GSDME: variants seen among roughly 807,000 people sequenced by gnomAD.
GSDME encodes the protein gasdermin E, also known as gasdermin-E.
Under a neutral mutation model 47.5 loss-of-function variants are expected in GSDME, and 44 were observed. The ratio of observed to expected loss-of-function variants is 0.93; its 90% CI spans 0.73 to 1.19. GSDME has a LOEUF of 1.19. Ranked by LOEUF, GSDME falls within the 50% of genes most tolerant of loss-of-function variation. GSDME has a pLI of 0.00. For synonymous variants in GSDME, 258 were observed against 252.8 expected (o/e 1.02, Z -0.20); for missense variants, 663 against 604.2 (o/e 1.10, Z -1.02).
chr7:24,793,207 T>C, the GSDME span, among the ~76,000 whole-genome samples: 588 of 152,344 alleles, frequency 3.9e-3, 5 homozygotes, highest in African/African-American at 0.013. Context: ...CAATTTTTAA[T>C]GTCTGACCAT....
the GSDME span, among the ~76,000 whole-genome samples, chr7:24,789,441 G>C: frequency 1.3e-5 from 2 of 152,178 alleles, no homozygotes; most frequent in African/African-American, 4.8e-5. Context: ...GCTTACAAGG[G>C]GGTCCGCGTG....
chr7:24,717,727 A>T (rs1260561611), intron 4 of GSDME, among the ~76,000 whole-genome samples: 2 of 152,096 alleles, frequency 1.3e-5, no homozygotes, highest in Admixed American at 1.3e-4. Flanking sequence ...CCTAATGAAA[A>T]CCTTAAACAG....
In GSDME at chr7:24,754,669, A is replaced by G. The variant is rs558371785; in HGVS notation, c.-20+2727T>C. ...AGCAGGACAATGACACAAAGTTAGCAAAGCACACAGCCAACTGGAGCCACT... is the reference window on the plus strand; with the variant it reads ...AGCAGGACAATGACACAAAGTTAGCGAAGCACACAGCCAACTGGAGCCACT... On this transcript the variant is annotated intron_variant, in intron 1 of 9. Coordinates refer to ENST00000645220, the MANE Select transcript of GSDME (RefSeq NM_001127453.2). The surrounding 1 kb of genome is among the most constrained non-coding windows in gnomAD (Gnocchi z 5.0). 6.6e-6 allele frequency among the ~76,000 whole-genome samples: 1 copy of G among 152,320 alleles called. No homozygotes were observed. The highest frequency in any genetic ancestry group is 2.1e-4 in the South Asian group (1 of 4,808).
At position 24,724,347 on chromosome 7, in the gene GSDME, C is replaced by G. The variant is rs1017700101; in HGVS notation, c.405-5129G>C. On this transcript the variant is annotated intron_variant, in intron 3 of 9. Coordinates refer to ENST00000645220, the MANE Select transcript of GSDME (RefSeq NM_001127453.2). The surrounding 1 kb of genome is among the most constrained non-coding windows in gnomAD (Gnocchi z 4.8). ...GGGCAGGACTGGAATGAGACCCTCT[C>G]CCCAAGTCCAGCCAGGAGCCAATGC... Among the ~76,000 whole-genome samples the G allele has an allele frequency of 2.0e-5, 3 of 152,154 alleles. No individual in the cohort carries two copies. Among genetic ancestry groups the G allele is most frequent in the Admixed American group, 6.5e-5 (1 of 15,268 alleles).
At chr7:24,761,376 A>G (rs1791163388), upstream of GSDME, among the ~76,000 whole-genome samples, 2 of 152,238 alleles carry the variant, frequency 1.3e-5, no homozygotes, top group Admixed American at 6.5e-5. This position sits in a 1 kb window ranked among gnomAD's most constrained non-coding sequence, Gnocchi z 4.4. Flanking sequence ...GCATCAGCAG[A>G]TTCGATGTCT....
In GSDME at chr7:24,724,327, G is replaced by C. The variant is rs1241502267; in HGVS notation, c.405-5109C>G. Reference sequence around the variant, plus strand: ...ATGGTTTATCACATAAACCCGGGCAGGACTGGAATGAGACCCTCTCCCCAA... The same window carrying C: ...ATGGTTTATCACATAAACCCGGGCACGACTGGAATGAGACCCTCTCCCCAA... On this transcript the variant is annotated intron_variant, in intron 3 of 9. Transcript: ENST00000645220. The surrounding 1 kb of genome is among the most constrained non-coding windows in gnomAD (Gnocchi z 4.8). Among the ~76,000 whole-genome samples the C allele has an allele frequency of 1.3e-5, 2 of 152,118 alleles. No individual in the cohort carries two copies. Among genetic ancestry groups the C allele is most frequent in the Admixed American group, 1.3e-4 (2 of 15,272 alleles).
At chr7:24,717,418 C>T in intron 4 of GSDME, 44 bp from the exon 5 acceptor site, 2 of 1,613,758 alleles carry the variant, frequency 1.2e-6, no homozygotes, top group Non-Finnish European at 8.5e-7. Flanking sequence ...CTCGGGCTCT[C>T]CAAGCTGCTC....
chr7:24,755,472 T>A (rs1790984823), intron 1 of GSDME, among the ~76,000 whole-genome samples: 1 of 152,222 alleles, frequency 6.6e-6, no homozygotes, highest in African/African-American at 2.4e-5. Context: ...CAAAGCCCTC[T>A]TTCCCCAAAT....
chr7:24,729,238 T>C (rs1267996823), intron 3 of GSDME, among the ~76,000 whole-genome samples: 2 of 152,260 alleles, frequency 1.3e-5, no homozygotes, highest in Non-Finnish European at 2.9e-5. Context: ...ATGTGTCTGT[T>C]TCCAAGCTCT....
Position 24,756,049 on chromosome 7 carries a change from A to G in GSDME, c.-20+1347T>C, listed in dbSNP as rs1791006295. ...AGCCCAGTACCTGAGCTCATTTTTA[A>G]TGAGAAGACAAATTAATATTTCATC... is the stretch of plus-strand genomic sequence containing the variant. On this transcript the variant is annotated intron_variant, in intron 1 of 9. Coordinates refer to ENST00000645220, the MANE Select transcript of GSDME (RefSeq NM_001127453.2). The surrounding 1 kb of genome is among the most constrained non-coding windows in gnomAD (Gnocchi z 4.2). Among the ~76,000 whole-genome samples, 1 of 152,236 alleles carries G rather than the reference A, an allele frequency of 6.6e-6. No individual in the cohort carries two copies. Among genetic ancestry groups the G allele is most frequent in the Non-Finnish European group, 1.5e-5 (1 of 68,034 alleles).
At chr7:24,762,640 C>T (rs920448462), upstream of GSDME, among the ~76,000 whole-genome samples, 8 of 151,994 alleles carry the variant, frequency 5.3e-5, no homozygotes, top group Admixed American at 2.0e-4. Context: ...GCTTCATGCC[C>T]TCCAGGTCTG....
rs946331911 is a variant in GSDME at position 24,744,301 on chromosome 7, T to C, written c.404+261A>G. The C allele has an allele frequency of 1.2e-5, 6 of 512,136 alleles. No homozygotes were observed. Among genetic ancestry groups the C allele is most frequent in the Admixed American group, 9.7e-5 (3 of 30,836 alleles). The allele number at this position is 512,136 out of a possible 1,614,324, so 31.7% of individuals were successfully genotyped here. The stretch of plus-strand genomic sequence containing the variant: ...TTTACCGTTCGCATTTTATAAATCA[T>C]GTGATTGAAGGAAGTACATATTTGC... On this transcript the variant is annotated intron_variant, in intron 3 of 9. Coordinates refer to ENST00000645220, the MANE Select transcript of GSDME (RefSeq NM_001127453.2). The surrounding 1 kb of genome is among the most constrained non-coding windows in gnomAD (Gnocchi z 4.5).
Position 24,726,556 on chromosome 7 carries a change from G to A in GSDME, c.405-7338C>T, listed in dbSNP as rs1789971474. Among the ~76,000 whole-genome samples the A allele has an allele frequency of 6.6e-6, 1 of 152,212 alleles. No homozygotes were observed. The highest frequency in any genetic ancestry group is 1.5e-5 in the Non-Finnish European group (1 of 68,036). On this transcript the variant is annotated intron_variant, in intron 3 of 9. Coordinates refer to ENST00000645220, the MANE Select transcript of GSDME (RefSeq NM_001127453.2). This position sits in a 1 kb window ranked among gnomAD's most constrained non-coding sequence, Gnocchi z 5.6. ...TAACAATGGTAGGCCGGGCGCGGTG[G>A]CTCACGCCTGTTATCCCAGCACTTT...
At position 24,736,751 on chromosome 7, in the gene GSDME, CAT is replaced by C. The variant is rs1274042042; in HGVS notation, c.404+7809_404+7810del. On this transcript the variant is annotated intron_variant, in intron 3 of 9. Coordinates refer to ENST00000645220, the MANE Select transcript of GSDME (RefSeq NM_001127453.2). This position sits in a 1 kb window ranked among gnomAD's most constrained non-coding sequence, Gnocchi z 4.6. Reference sequence around the variant, plus strand: ...ACATGGATCATTCGCAAGGATAGACCATATGTTAGGCCACAAAACAAGTTTCA... The same window carrying C: ...ACATGGATCATTCGCAAGGATAGACCATGTTAGGCCACAAAACAAGTTTCA... 6.6e-6 allele frequency among the ~76,000 whole-genome samples: 1 copy of C among 152,114 alleles called. No individual in the cohort carries two copies. Among genetic ancestry groups the C allele is most frequent in the Non-Finnish European group, 1.5e-5 (1 of 68,012 alleles).
In GSDME at chr7:24,739,279, GA is replaced by G. The variant is rs1190962867; in HGVS notation, c.404+5282del. On this transcript the variant is annotated intron_variant, in intron 3 of 9. Transcript: ENST00000645220. This position sits in a 1 kb window ranked among gnomAD's most constrained non-coding sequence, Gnocchi z 5.1. ...TAAAAGGGGCTCAAACAACTGTAGG[GA>G]AAAAAATCTAATAATCCTGTTAAAA... Among the ~76,000 whole-genome samples, 1 of 152,014 alleles carries G rather than the reference GA, an allele frequency of 6.6e-6. No individual in the cohort carries two copies. The highest frequency in any genetic ancestry group is 1.5e-5 in the Non-Finnish European group (1 of 67,976).
chr7:24,721,116 A>G lies in GSDME; in HGVS notation c.405-1898T>C, dbSNP rs1454415181. On this transcript the variant is annotated intron_variant, in intron 3 of 9. Transcript: ENST00000645220. This position sits in a 1 kb window ranked among gnomAD's most constrained non-coding sequence, Gnocchi z 4.1. ...GGGCTTCGCTGCCTGATGGCTGCAGAGTTCCTAGTTGAGGTGACGAAGAAG... is the reference window on the plus strand; with the variant it reads ...GGGCTTCGCTGCCTGATGGCTGCAGGGTTCCTAGTTGAGGTGACGAAGAAG... Among the ~76,000 whole-genome samples, 1 of 151,610 alleles carries G rather than the reference A, an allele frequency of 6.6e-6. No individual in the cohort carries two copies. The highest frequency in any genetic ancestry group is 1.5e-5 in the Non-Finnish European group (1 of 68,030).
In GSDME at chr7:24,698,721, G is replaced by T. The variant is rs1444179628; in HGVS notation, c.*305C>A. The T allele has an allele frequency of 7.3e-6, 3 of 413,336 alleles. No individual in the cohort carries two copies. The Admixed American group carries it at 1.1e-4, about 15-fold the overall frequency. 25.6% of individuals were successfully genotyped at this position (413,336 alleles called of 1,614,324 possible). A position where few individuals can be genotyped will look rare whatever the true frequency, so the allele number is the denominator to read the frequency against. On this transcript the variant is annotated 3_prime_UTR_variant, in exon 10 of 10. Transcript: ENST00000645220. ...AAAAGTGGAATGCAAGTGACAGATG[G>T]ACTTATTATTGTGCAGAAAAAACGT...
the GSDME span, among the ~76,000 whole-genome samples, chr7:24,776,451 C>T: frequency 1.3e-5 from 2 of 152,146 alleles, no homozygotes; most frequent in Non-Finnish European, 2.9e-5. Flanking sequence ...CCGTGTCCAC[C>T]ATCCTCCTCG....
At chr7:24,785,632 A>G in the GSDME span, among the ~76,000 whole-genome samples, 1 of 151,924 alleles carries the variant, frequency 6.6e-6, no homozygotes, top group African/African-American at 2.4e-5. Context: ...ATTTTTTTGT[A>G]TTTTAGCAGA....
Sources: allele counts gnomAD v4.1 joint callset (sites outside exome capture counted in the v4.1 genomes callset), GRCh38; gene constraint gnomAD v4.1.1; non-coding constraint Gnocchi (gnomAD v3.1); transcripts MANE v1.5; gene names NCBI Gene and HGNC (gene_info 2026-07-23, HGNC 2026-07-21).